Variants in GPHN observed in about 807,000 individuals in gnomAD.
The protein encoded by GPHN is gephyrin.
Under a neutral mutation model 95.5 loss-of-function variants are expected in GPHN, and 17 were observed. That is an observed-to-expected ratio of 0.18 (90% CI 0.12 to 0.27). The LOEUF (loss-of-function observed/expected upper bound fraction) is 0.27. GPHN is among the 10% of genes least tolerant of loss of function. The pLI is 1.00. For missense variants in GPHN, 660 were observed against 978.1 expected (o/e 0.67, Z 4.34); for synonymous variants, 320 against 322.5 (o/e 0.99, Z 0.08).
At chr14:66,779,559 G>T (rs560514090) in intron 3 of GPHN, among the ~76,000 whole-genome samples, 77 of 152,214 alleles carry the variant, frequency 5.1e-4, no homozygotes, top group African/African-American at 1.7e-3. Context: ...TAAAATGTGT[G>T]TTAACTGATG....
In GPHN at chr14:67,181,280, T is replaced by C; in HGVS notation, c.*343T>C. The C allele has an allele frequency of 2.3e-6, 1 of 444,248 alleles. No homozygotes were observed. The highest frequency in any genetic ancestry group is 2.2e-5 in the South Asian group (1 of 46,146). 27.5% of individuals were successfully genotyped at this position (444,248 alleles called of 1,614,324 possible). A position where few individuals can be genotyped will look rare whatever the true frequency, so the allele number is the denominator to read the frequency against. ...TTCTCATCTTTAAAATACAACTACT[T>C]ATGCTCTTAAATCAAGGCTGTCTGC... On this transcript the variant is annotated 3_prime_UTR_variant, in exon 23 of 23. Transcript: ENST00000478722.
intron 1 of GPHN, among the ~76,000 whole-genome samples, chr14:66,536,539 A>ATCTGTTATTT (rs61377153): frequency 6.6e-6 from 1 of 152,066 alleles, no homozygotes; most frequent in East Asian, 1.9e-4. Context: ...TATTTTTGTC[A>ATCTGTTATTT]GATTTTGTTA....
intron 11 of GPHN, among the ~76,000 whole-genome samples, chr14:67,076,850 C>CTCTCGAT (rs1447524888): frequency 6.6e-6 from 1 of 152,166 alleles, no homozygotes; most frequent in Non-Finnish European, 1.5e-5. Context: ...TCTTTCTCCA[C>CTCTCGAT]TCTCGATTCA....
the GPHN span, among the ~76,000 whole-genome samples, chr14:67,594,925 G>A: frequency 3.3e-5 from 5 of 152,030 alleles, no homozygotes; most frequent in East Asian, 3.9e-4. Flanking sequence ...CGAGGCGGGC[G>A]GATCACGAGG....
At chr14:67,439,532 A>ACTTTCTTT in the GPHN span, among the ~76,000 whole-genome samples, 9 of 126,846 alleles carry the variant, frequency 7.1e-5, no homozygotes, top group African/African-American at 2.7e-4. Context: ...GAAATTCAAT[A>ACTTTCTTT]GTTTCTTTCT....
At chr14:67,493,523 A>G in the GPHN span, among the ~76,000 whole-genome samples, 3 of 152,250 alleles carry the variant, frequency 2.0e-5, no homozygotes, top group South Asian at 4.2e-4. Context: ...TGCAGGAGTA[A>G]ATTGCCTTGC....
chr14:66,902,573 T>C (rs2065173430), intron 5 of GPHN, among the ~76,000 whole-genome samples: 1 of 152,070 alleles, frequency 6.6e-6, no homozygotes, highest in Non-Finnish European at 1.5e-5. Context: ...GTTTTTATCA[T>C]AAAAGCATGT....
intron 17 of GPHN, among the ~76,000 whole-genome samples, chr14:67,137,550 G>C (rs914703621): frequency 6.6e-5 from 10 of 152,108 alleles, no homozygotes; most frequent in African/African-American, 2.4e-4. Flanking sequence ...GATCTCTTGA[G>C]CCCAGGAGTT....
At chr14:67,014,145 C>G (rs1416613620) in intron 9 of GPHN, among the ~76,000 whole-genome samples, 1 of 151,936 alleles carries the variant, frequency 6.6e-6, no homozygotes, top group African/African-American at 2.4e-5. Flanking sequence ...AGAATATCAT[C>G]CAAACAAAAG....
At chr14:67,040,686 A>G (rs577480025) in intron 10 of GPHN, among the ~76,000 whole-genome samples, 1 of 152,234 alleles carries the variant, frequency 6.6e-6, no homozygotes, top group Non-Finnish European at 1.5e-5. Flanking sequence ...TTTGAAGCAT[A>G]TAGCTCAGTT....
intron 3 of GPHN, among the ~76,000 whole-genome samples, chr14:66,802,699 C>T (rs769422369): frequency 2.0e-5 from 3 of 152,134 alleles, no homozygotes; most frequent in African/African-American, 7.2e-5. Flanking sequence ...GGATCCTTCC[C>T]TACAAGGCTG....
chr14:67,444,367 G>A, the GPHN span, among the ~76,000 whole-genome samples: 4 of 152,214 alleles, frequency 2.6e-5, no homozygotes, highest in East Asian at 1.9e-4. Flanking sequence ...TTCAGTGGAG[G>A]AGAGTGGCCC....
the GPHN span, among the ~76,000 whole-genome samples, chr14:67,601,696 G>A: frequency 2.0e-5 from 3 of 151,922 alleles, no homozygotes; most frequent in Non-Finnish European, 4.4e-5. Flanking sequence ...TGGGTCAGGA[G>A]TTCAAGATCA....
chr14:67,008,180 C>T (rs907791926), intron 9 of GPHN, among the ~76,000 whole-genome samples: 2 of 152,114 alleles, frequency 1.3e-5, no homozygotes, highest in Non-Finnish European at 2.9e-5. Flanking sequence ...GTCGACCAGG[C>T]GTGGTGGCTC....
chr14:67,496,890 C>T, the GPHN span, among the ~76,000 whole-genome samples: 2 of 151,914 alleles, frequency 1.3e-5, no homozygotes, highest in Non-Finnish European at 2.9e-5. Flanking sequence ...CTCTGCCTCC[C>T]GGGTTCAAGT....
At chr14:67,671,945 T>A in the GPHN span, among the ~76,000 whole-genome samples, 1 of 152,218 alleles carries the variant, frequency 6.6e-6, no homozygotes, top group South Asian at 2.1e-4. Flanking sequence ...TCCCACCTCT[T>A]AATGCGATTA....
intron 1 of GPHN, among the ~76,000 whole-genome samples, chr14:66,649,104 G>C (rs142389534): frequency 6.6e-6 from 1 of 152,202 alleles, no homozygotes. Flanking sequence ...GGCCGAGGCC[G>C]GTGGATTGCC....
intron 11 of GPHN, among the ~76,000 whole-genome samples, chr14:67,079,196 TA>T (rs554213494): frequency 0.027 from 4,131 of 152,010 alleles, 62 homozygotes; most frequent in Middle Eastern, 0.034. Context: ...TACTTGCCTT[TA>T]AAAAAAATTA....
intron 3 of GPHN, among the ~76,000 whole-genome samples, chr14:66,785,233 G>A (rs1481666461): frequency 1.3e-5 from 2 of 152,154 alleles, no homozygotes; most frequent in Non-Finnish European, 2.9e-5. Flanking sequence ...AGGCATGGTG[G>A]CACATGCCTG....
Sources: gnomAD v4.1 joint callset for allele counts (sites outside exome capture counted in the v4.1 genomes callset) on GRCh38, gnomAD v4.1.1 for gene constraint, MANE v1.5 for transcripts, NCBI Gene and HGNC (gene_info 2026-07-23, HGNC 2026-07-21) for gene names.